GCNT4: variants seen among roughly 807,000 people sequenced by gnomAD.
The protein encoded by GCNT4 is beta-1,3-galactosyl-O-glycosyl-glycoprotein beta-1,6-N-acetylglucosaminyltransferase 4.
GCNT4 carries 17 observed loss-of-function variants against 31.3 expected under a neutral mutation model. The ratio of observed to expected loss-of-function variants is 0.54; its 90% CI spans 0.37 to 0.81. The LOEUF (loss-of-function observed/expected upper bound fraction) is 0.81, where lower values mean the gene tolerates loss of function less well. Among genes scored for constraint, GCNT4 ranks in the 40% least tolerant of loss-of-function variants. The pLI, the probability that GCNT4 is intolerant of heterozygous loss-of-function variation, is 0.00. For missense variants in GCNT4, 503 were observed against 525.5 expected, an observed-to-expected ratio of 0.96 and a Z score of 0.42; for synonymous variants, 158 against 190.6, an observed-to-expected ratio of 0.83 and a Z score of 1.41.
In GCNT4 at chr5:75,041,262, G is replaced by GAT. The variant is rs1395828404; in HGVS notation, c.-2+6634_-2+6635insAT. ...GAATACACAAACACACCCTCACCCA[G>GAT]GGCCTTTGCCAGTCCTCTGTCATTC... is the stretch of plus-strand genomic sequence containing the variant. On this transcript the variant is annotated intron_variant, in intron 3 of 3. Transcript: ENST00000652361. Among the ~76,000 whole-genome samples, 740 of 152,334 alleles carry GAT rather than the reference G, an allele frequency of 4.9e-3. 6 individuals are homozygous for GAT. Among genetic ancestry groups the GAT allele is most frequent in the Admixed American group, 0.019 (293 of 15,300 alleles).
rs1376675688 is a variant in GCNT4, at chr5:75,025,592, T to C, written c.*3084A>G. The C allele has an allele frequency of 1.3e-5, 2 of 152,220 alleles. No homozygotes were observed. The highest frequency in any genetic ancestry group is 1.9e-4 in the East Asian group (1 of 5,206). 9.4% of individuals were successfully genotyped at this position (152,220 alleles called of 1,614,324 possible). The stretch of plus-strand genomic sequence containing the variant: ...TTATAATAACATACATATGAATACA[T>C]TCACTTACACTCACAAAGTGGATTA... On this transcript the variant is annotated 3_prime_UTR_variant, in exon 4 of 4. Transcript: ENST00000652361.
chr5:75,029,552 G>A lies in GCNT4; in HGVS notation c.486C>T (p.Ile162=). 15 of 1,614,158 alleles carry A rather than the reference G, an allele frequency of 9.3e-6. No individual in the cohort carries two copies. The highest frequency in any genetic ancestry group is 1.3e-5 in the Non-Finnish European group (15 of 1,180,030). Residue 162 remains isoleucine (I), a synonymous_variant, in exon 4 of 4, where the codon ATC becomes ATT. Transcript: ENST00000652361. ...AIYNQHNIYC[I]HYDRKAPDTF... ...TATCAGGTGCCTTACGATCATAATGGATGCAGTAAATATTGTGCTGGTTGT... is the reference window on the plus strand; with the variant it reads ...TATCAGGTGCCTTACGATCATAATGAATGCAGTAAATATTGTGCTGGTTGT...
chr5:75,053,830 C>G (rs1168333789), upstream of GCNT4, among the ~76,000 whole-genome samples: 1 of 152,192 alleles, frequency 6.6e-6, no homozygotes, highest in Non-Finnish European at 1.5e-5. Context: ...GGCTCTCCGC[C>G]GCTGCCCGGA....
chr5:75,018,470 C>T, the GCNT4 span, among the ~76,000 whole-genome samples: 3 of 151,910 alleles, frequency 2.0e-5, no homozygotes, highest in Non-Finnish European at 4.4e-5. Flanking sequence ...TTAGTAGAGA[C>T]GGGGTTTCAC....
At chr5:75,043,362 T>G (rs1243876018) in intron 3 of GCNT4, among the ~76,000 whole-genome samples, 4 of 152,218 alleles carry the variant, frequency 2.6e-5, no homozygotes, top group Admixed American at 6.5e-5. Context: ...CCAGTTGCCT[T>G]CCAACATCCA....
At chr5:75,039,643 TCTC>T (rs1743275397) in intron 3 of GCNT4, among the ~76,000 whole-genome samples, 1 of 152,130 alleles carries the variant, frequency 6.6e-6, no homozygotes, top group African/African-American at 2.4e-5. Context: ...GCCTTTCCAA[TCTC>T]CTGGCAGTAG....
rs1742955330 is a variant in GCNT4 at position 75,026,783 on chromosome 5, A to G, written c.*1893T>C. On this transcript the variant is annotated 3_prime_UTR_variant, in exon 4 of 4. Transcript: ENST00000652361. ...CCTGTCCACAGTCGCACACGAGTGA[A>G]CTGGTATGGATCTTTTGCAGAACTT... The G allele has an allele frequency of 6.6e-6, 1 of 152,078 alleles. No homozygotes were observed. The highest frequency in any genetic ancestry group is 2.4e-5 in the African/African-American group (1 of 41,406). The allele number at this position is 152,078 out of a possible 1,614,324, so 9.4% of individuals were successfully genotyped here.
rs995949644 is a variant in GCNT4, at chr5:75,048,020, A to T, written c.-125T>A. On this transcript the variant is annotated 5_prime_UTR_variant, in exon 3 of 4. Transcript: ENST00000652361. ...GTACTGGGACAGTGACCGAGGATGT[A>T]GTTCTAGAACATGGGCCCTATAAAG... The T allele has an allele frequency of 2.0e-5, 3 of 152,208 alleles. No homozygotes were observed. Among genetic ancestry groups the T allele is most frequent in the Non-Finnish European group, 4.4e-5 (3 of 68,054 alleles). 9.4% of individuals were successfully genotyped at this position (152,208 alleles called of 1,614,324 possible). A position where few individuals can be genotyped will look rare whatever the true frequency, so the allele number is the denominator to read the frequency against.
Position 75,029,203 on chromosome 5 carries a change from C to A in GCNT4, c.835G>T (p.Val279Leu), listed in dbSNP as rs1471443969. 2 of 1,613,992 alleles carry A rather than the reference C, an allele frequency of 1.2e-6. No individual in the cohort carries two copies. The highest frequency in any genetic ancestry group is 1.7e-6 in the Non-Finnish European group (2 of 1,180,018). Residue 279 changes from valine (V) to leucine (L), a missense_variant, in exon 4 of 4, where the codon GTG becomes TTG. Coordinates refer to ENST00000652361, the MANE Select transcript of GCNT4 (RefSeq NM_001366737.1). ...ATGTTTGTCCTTATTGGTAGCTTCA[C>A]ATATTCATAAGGCACCCGTCTAAGT... ...HELRRVPYEY[V>L]KLPIRTNISK...
chr5:75,038,021 T>C (rs1743239538), intron 3 of GCNT4, among the ~76,000 whole-genome samples: 1 of 147,848 alleles, frequency 6.8e-6, no homozygotes, highest in Non-Finnish European at 1.5e-5. Flanking sequence ...CACCTGGCAA[T>C]AACATCTTGT....
intron 3 of GCNT4, 57 bp from the exon 4 acceptor site, chr5:75,030,095 T>A (rs780804223): frequency 4.7e-5 from 70 of 1,503,294 alleles, no homozygotes; most frequent in Non-Finnish European, 5.9e-5. Flanking sequence ...TCAGGTCAGT[T>A]TATCCAAAAT....
At chr5:75,040,822 C>G (rs975279921) in intron 3 of GCNT4, among the ~76,000 whole-genome samples, 2 of 152,160 alleles carry the variant, frequency 1.3e-5, no homozygotes, top group Non-Finnish European at 2.9e-5. Flanking sequence ...TTTTTCACTA[C>G]TTGACAGCAT....
chr5:75,053,873 G>A (rs924703187), upstream of GCNT4, among the ~76,000 whole-genome samples: 2 of 152,244 alleles, frequency 1.3e-5, no homozygotes, highest in Non-Finnish European at 2.9e-5. Context: ...TCCCACATTA[G>A]ACAAGAAATC....
chr5:75,031,084 T>TC (rs1283008245), intron 3 of GCNT4, among the ~76,000 whole-genome samples: 2 of 152,048 alleles, frequency 1.3e-5, no homozygotes, highest in East Asian at 3.9e-4. Flanking sequence ...TCTCTCTTTT[T>TC]TTTTTTTTGA....
At chr5:75,030,247 C>A (rs1427322258) in intron 3 of GCNT4, 3 of 516,444 alleles carry the variant, frequency 5.8e-6, no homozygotes, top group Non-Finnish European at 1.0e-5. Flanking sequence ...GTTAACTATA[C>A]CTAATTTTGA....
intron 3 of GCNT4, among the ~76,000 whole-genome samples, chr5:75,040,688 C>T (rs888421534): frequency 6.6e-6 from 1 of 152,168 alleles, no homozygotes; most frequent in African/African-American, 2.4e-5. Flanking sequence ...GGTATGAGGA[C>T]CTCCACAAGA....
At chr5:75,033,099 C>G (rs1743109799) in intron 3 of GCNT4, among the ~76,000 whole-genome samples, 1 of 152,110 alleles carries the variant, frequency 6.6e-6, no homozygotes, top group Non-Finnish European at 1.5e-5. Context: ...AAGAAAAGAC[C>G]TCACATTCTA....
At chr5:75,043,652 C>T (rs747179332) in intron 3 of GCNT4, among the ~76,000 whole-genome samples, 1 of 152,132 alleles carries the variant, frequency 6.6e-6, no homozygotes, top group Non-Finnish European at 1.5e-5. Flanking sequence ...GAGACCTCAG[C>T]CCCCGTATCC....
chr5:75,053,217 G>T (rs1028989414), upstream of GCNT4, among the ~76,000 whole-genome samples: 1 of 117,220 alleles, frequency 8.5e-6, no homozygotes, highest in Non-Finnish European at 1.6e-5. Context: ...CTAGGCGCGC[G>T]CCGGGTCGCC....
Sources: gnomAD v4.1 joint callset for allele counts (sites outside exome capture counted in the v4.1 genomes callset) on GRCh38, gnomAD v4.1.1 for gene constraint, MANE v1.5 for transcripts, NCBI Gene and HGNC (gene_info 2026-07-23, HGNC 2026-07-21) for gene names.